The following AGFG1 variants were observed in gnomAD, a reference collection of about 807,000 sequenced individuals.
AGFG1 encodes ArfGAP with FG repeats 1.
In AGFG1, 10 loss-of-function variants were observed where a neutral mutation model predicts 60.6. The observed-to-expected ratio is 0.16, with a 90% CI of 0.10 to 0.28. AGFG1 has a LOEUF of 0.28. AGFG1 is among the 10% of genes least tolerant of loss of function. The pLI is 1.00. For missense variants in AGFG1, 537 were observed against 676.5 expected (o/e 0.79, Z 2.29); for synonymous variants, 247 against 242.9 (o/e 1.02, Z -0.16).
intron 3 of AGFG1, among the ~76,000 whole-genome samples, chr2:227,523,054 T>A (rs547685176): frequency 1.3e-5 from 2 of 152,354 alleles, no homozygotes; most frequent in South Asian, 2.1e-4. Context: ...TTAACATCCA[T>A]GTGTACATGC....
At chr2:227,474,751 C>T (rs1690229931) in intron 1 of AGFG1, among the ~76,000 whole-genome samples, 1 of 152,138 alleles carries the variant, frequency 6.6e-6, no homozygotes, top group Admixed American at 6.6e-5. Context: ...AGACCTTTAA[C>T]GAGAAATTCT....
intron 1 of AGFG1, among the ~76,000 whole-genome samples, chr2:227,485,687 T>A (rs1257022591): frequency 6.6e-6 from 1 of 152,336 alleles, no homozygotes; most frequent in African/African-American, 2.4e-5. Context: ...TCTCTAGTTA[T>A]GTCTAATCTG....
chr2:227,480,592 T>C (rs1575060091), intron 1 of AGFG1, among the ~76,000 whole-genome samples: 1 of 21,914 alleles, frequency 4.6e-5, no homozygotes, highest in Non-Finnish European at 1.1e-4. Context: ...CATCAGCTAC[T>C]TTTTTTTTTT....
chr2:227,479,274 A>G (rs1045619800), intron 1 of AGFG1, among the ~76,000 whole-genome samples: 2 of 152,242 alleles, frequency 1.3e-5, no homozygotes, highest in Non-Finnish European at 2.9e-5. Context: ...GTATAAAGGC[A>G]TTATTGCCAT....
At chr2:227,529,341 TA>T (rs1396805514) in intron 5 of AGFG1, among the ~76,000 whole-genome samples, 1 of 151,950 alleles carries the variant, frequency 6.6e-6, no homozygotes, top group Non-Finnish European at 1.5e-5. Context: ...TTGTTAATTT[TA>T]AAAAAAATTA....
At chr2:227,551,855 C>A in intron 10 of AGFG1, 104 bp from the exon 11 acceptor site, 2 of 1,380,624 alleles carry the variant, frequency 1.4e-6, no homozygotes, top group Non-Finnish European at 2.0e-6. Flanking sequence ...TAATGTACAT[C>A]TTAGTATTTT....
chr2:227,496,701 A>G (rs1690985318), intron 2 of AGFG1, among the ~76,000 whole-genome samples: 1 of 152,196 alleles, frequency 6.6e-6, no homozygotes, highest in East Asian at 1.9e-4. Flanking sequence ...GGATTTTTTG[A>G]ATTAGGCCAA....
intron 2 of AGFG1, among the ~76,000 whole-genome samples, chr2:227,498,188 C>T (rs112624909): frequency 7.6e-4 from 115 of 152,028 alleles, no homozygotes; most frequent in African/African-American, 2.4e-3. Context: ...TGCCCAAGAT[C>T]GTGCTTTTAT....
chr2:227,495,357 G>A (rs1355866705), intron 2 of AGFG1, among the ~76,000 whole-genome samples: 1 of 151,858 alleles, frequency 6.6e-6, no homozygotes, highest in Non-Finnish European at 1.5e-5. Context: ...GATCAACCTA[G>A]GCAACAAAGC....
Position 227,540,088 on chromosome 2 carries a change from G to A in AGFG1, c.1378+3095G>A, listed in dbSNP as rs556992714. Among the ~76,000 whole-genome samples the A allele has an allele frequency of 1.1e-4, 16 of 152,094 alleles. No individual in the cohort carries two copies. The East Asian group carries it at 1.9e-3, about 18-fold the overall frequency. On this transcript the variant is annotated intron_variant, in intron 10 of 12. Transcript: ENST00000310078. ...TGGCCTCAAATGATCTGCCTGCCTC[G>A]GCCTCCCAAAGTGCTGGGATTACAG...
chr2:227,496,596 G>C (rs1394417206), intron 2 of AGFG1, among the ~76,000 whole-genome samples: 1 of 152,206 alleles, frequency 6.6e-6, no homozygotes, highest in East Asian at 1.9e-4. Context: ...TGAAAGCTCA[G>C]ATTTGGACTA....
At chr2:227,494,960 A>G (rs1208988565) in intron 2 of AGFG1, among the ~76,000 whole-genome samples, 1 of 152,218 alleles carries the variant, frequency 6.6e-6, no homozygotes, top group African/African-American at 2.4e-5. Context: ...ATTACTATTT[A>G]TAGATATGCA....
intron 5 of AGFG1, among the ~76,000 whole-genome samples, chr2:227,527,498 C>G (rs180933204): frequency 2.0e-5 from 3 of 152,162 alleles, no homozygotes; most frequent in African/African-American, 4.8e-5. Flanking sequence ...GGTTTAGATT[C>G]ATTTCCTAAC....
chr2:227,551,870 G>C, intron 10 of AGFG1, 89 bp from the exon 11 acceptor site: 1 of 1,453,430 alleles, frequency 6.9e-7, no homozygotes, highest in Non-Finnish European at 9.4e-7. Flanking sequence ...TATTTTTCAA[G>C]GTAAATGATG....
rs1693109652 is a variant in AGFG1 at position 227,560,603 on chromosome 2, G to T, written c.*6108G>T. ...GCTTGGGGCTATACTTTGTTTTGCA[G>T]TTTGTTGGTATCGTGCCTTTCCTTA... On this transcript the variant is annotated 3_prime_UTR_variant, in exon 13 of 13. Coordinates refer to ENST00000310078, the MANE Select transcript of AGFG1 (RefSeq NM_004504.5). 6.6e-6 allele frequency: 1 copy of T among 152,110 alleles called. No individual in the cohort carries two copies. Among genetic ancestry groups the T allele is most frequent in the African/African-American group, 2.4e-5 (1 of 41,442 alleles). The allele number at this position is 152,110 out of a possible 1,614,324, so 9.4% of individuals were successfully genotyped here.
intron 12 of AGFG1, 38 bp from the exon 13 acceptor site, chr2:227,554,398 T>G: frequency 6.4e-7 from 1 of 1,556,152 alleles, no homozygotes; most frequent in South Asian, 1.2e-5. Context: ...ATGCACTACT[T>G]TTGTCTCTTT....
intron 11 of AGFG1, 44 bp downstream of exon 11, chr2:227,552,161 C>G (rs778390597): frequency 1.9e-6 from 3 of 1,607,084 alleles, no homozygotes; most frequent in South Asian, 1.1e-5. Context: ...TTTTATGTAT[C>G]CTTTTTATAT....
intron 8 of AGFG1, 80 bp downstream of exon 8, chr2:227,535,105 G>T: frequency 7.5e-7 from 1 of 1,328,218 alleles, no homozygotes; most frequent in Non-Finnish European, 9.9e-7. Flanking sequence ...AAAAATGACT[G>T]TTTCAAGGTA....
chr2:227,496,298 ATGAT>A (rs1319894507), intron 2 of AGFG1, among the ~76,000 whole-genome samples: 1 of 152,062 alleles, frequency 6.6e-6, no homozygotes, highest in African/African-American at 2.4e-5. Context: ...GTTAACATTC[ATGAT>A]TGATTCATTT....
Sources: gnomAD v4.1 joint callset for allele counts (sites outside exome capture counted in the v4.1 genomes callset) on GRCh38, gnomAD v4.1.1 for gene constraint, MANE v1.5 for transcripts, NCBI Gene and HGNC (gene_info 2026-07-23, HGNC 2026-07-21) for gene names.